The following SHISA9 variants were observed in gnomAD, a reference collection of about 807,000 sequenced individuals.
SHISA9 encodes protein shisa-9.
In SHISA9, 13 loss-of-function variants were observed where a neutral mutation model predicts 38.0. The observed-to-expected ratio is 0.34, with a 90% CI of 0.22 to 0.54. SHISA9 has a LOEUF of 0.54. Ranked by LOEUF, SHISA9 falls within the 20% of genes least tolerant of loss-of-function variation. The pLI is 0.91. For synonymous variants in SHISA9, 275 were observed against 242.0 expected (o/e 1.14, Z -1.27); for missense variants, 538 against 575.8 (o/e 0.93, Z 0.67).
intron 2 of SHISA9, among the ~76,000 whole-genome samples, chr16:13,192,834 C>A (rs2050899052): frequency 6.6e-6 from 1 of 151,632 alleles, no homozygotes; most frequent in South Asian, 2.1e-4. Flanking sequence ...GAGATAGCAC[C>A]ATTGCACTTC....
the SHISA9 span, among the ~76,000 whole-genome samples, chr16:13,269,717 A>T: frequency 3.3e-5 from 5 of 152,320 alleles, no homozygotes; most frequent in East Asian, 9.6e-4. Context: ...GTGATATACT[A>T]GAGGTGGTAT....
At chr16:13,185,746 G>A (rs1194829535) in intron 2 of SHISA9, among the ~76,000 whole-genome samples, 5 of 152,154 alleles carry the variant, frequency 3.3e-5, no homozygotes, top group East Asian at 3.8e-4. Flanking sequence ...GCCTAGCCTA[G>A]GATGGACACA....
At chr16:13,241,531 C>T (rs537711594), downstream of SHISA9, among the ~76,000 whole-genome samples, 2 of 152,176 alleles carry the variant, frequency 1.3e-5, no homozygotes, top group South Asian at 2.1e-4. Context: ...AGAAAAATCC[C>T]TAGGCACAGA....
At chr16:13,282,231 T>A in the SHISA9 span, among the ~76,000 whole-genome samples, 1 of 151,994 alleles carries the variant, frequency 6.6e-6, no homozygotes. Context: ...AATGCCTACA[T>A]CTCACCTTTA....
chr16:13,069,032 ATTC>A (rs1426811133), intron 2 of SHISA9, among the ~76,000 whole-genome samples: 2 of 151,038 alleles, frequency 1.3e-5, no homozygotes, highest in East Asian at 2.0e-4. Context: ...ATGTATGCAT[ATTC>A]TTGTGTGTAC....
the SHISA9 span, among the ~76,000 whole-genome samples, chr16:13,314,112 A>C: frequency 3.3e-5 from 5 of 152,182 alleles, no homozygotes; most frequent in Non-Finnish European, 7.3e-5. Flanking sequence ...GGTGATCTCC[A>C]AGCTTCCTTC....
chr16:13,114,936 A>ATCCATCCATCCG (rs1177567473), intron 2 of SHISA9, among the ~76,000 whole-genome samples: 2 of 151,066 alleles, frequency 1.3e-5, no homozygotes, highest in Admixed American at 6.6e-5. Context: ...CCATCCATCC[A>ATCCATCCATCCG]TCCTTCTCTC....
intron 2 of SHISA9, among the ~76,000 whole-genome samples, chr16:13,046,555 T>G (rs2141894047): frequency 6.6e-6 from 1 of 152,316 alleles, no homozygotes; most frequent in South Asian, 2.1e-4. Context: ...AGAATCAATA[T>G]TCTGTGCAAA....
intron 2 of SHISA9, among the ~76,000 whole-genome samples, chr16:13,135,637 G>C (rs994781247): frequency 2.0e-5 from 3 of 152,162 alleles, no homozygotes; most frequent in African/African-American, 7.2e-5. Flanking sequence ...CTTGCTTAAT[G>C]TATTGCATCC....
chr16:13,093,535 G>C (rs898573770), intron 2 of SHISA9, among the ~76,000 whole-genome samples: 2 of 152,130 alleles, frequency 1.3e-5, no homozygotes, highest in East Asian at 3.9e-4. Context: ...GAAATTCAAG[G>C]TATCATGTGC....
the SHISA9 span, among the ~76,000 whole-genome samples, chr16:13,388,516 T>G: frequency 6.6e-6 from 1 of 152,002 alleles, no homozygotes; most frequent in Non-Finnish European, 1.5e-5. Flanking sequence ...TTCACCATGT[T>G]GGCCGGGCTA....
At chr16:13,034,658 C>A (rs2073031868) in intron 2 of SHISA9, among the ~76,000 whole-genome samples, 1 of 152,202 alleles carries the variant, frequency 6.6e-6, no homozygotes, top group South Asian at 2.1e-4. Flanking sequence ...GTCTCTTTCC[C>A]TACCTCTTGA....
intron 2 of SHISA9, among the ~76,000 whole-genome samples, chr16:13,058,988 C>T (rs555718110): frequency 3.4e-4 from 52 of 152,118 alleles, no homozygotes; most frequent in African/African-American, 1.2e-3. Context: ...TCTGTATTAA[C>T]CAGTAAGACA....
At chr16:13,010,917 A>C (rs1481047895) in intron 2 of SHISA9, among the ~76,000 whole-genome samples, 5 of 152,220 alleles carry the variant, frequency 3.3e-5, no homozygotes, top group African/African-American at 1.2e-4. Context: ...GAGCCACAGC[A>C]TTGCAGCCTG....
intron 2 of SHISA9, among the ~76,000 whole-genome samples, chr16:13,093,729 C>T (rs1567210030): frequency 6.6e-6 from 1 of 152,176 alleles, no homozygotes; most frequent in African/African-American, 2.4e-5. Flanking sequence ...GCTTCGTTGA[C>T]CTCCCCAATC....
chr16:13,477,931 C>G, the SHISA9 span, among the ~76,000 whole-genome samples: 3 of 152,204 alleles, frequency 2.0e-5, no homozygotes, highest in African/African-American at 7.2e-5. Flanking sequence ...CACCATTGCA[C>G]TGCAGCCTGG....
intron 2 of SHISA9, among the ~76,000 whole-genome samples, chr16:13,202,648 T>C (rs1252341678): frequency 6.6e-6 from 1 of 152,114 alleles, no homozygotes; most frequent in Non-Finnish European, 1.5e-5. Context: ...CTGAAAGATA[T>C]TCCATCATAT....
intron 2 of SHISA9, among the ~76,000 whole-genome samples, chr16:12,937,848 A>G (rs912778384): frequency 2.0e-5 from 3 of 152,048 alleles, no homozygotes; most frequent in Non-Finnish European, 4.4e-5. Flanking sequence ...AGTCCATAAC[A>G]GTGGATACTG....
chr16:13,217,597 G>A (rs1223677145), intron 4 of SHISA9, among the ~76,000 whole-genome samples: 2 of 152,176 alleles, frequency 1.3e-5, no homozygotes, highest in Non-Finnish European at 2.9e-5. Flanking sequence ...TGTACTCTCT[G>A]TAGGTTTTGC....
Sources: allele counts gnomAD v4.1 joint callset (sites outside exome capture counted in the v4.1 genomes callset), GRCh38; gene constraint gnomAD v4.1.1; transcripts MANE v1.5; gene names NCBI Gene and HGNC (gene_info 2026-07-23, HGNC 2026-07-21).